The following NRXN3 variants were observed in gnomAD, a reference collection of about 807,000 sequenced individuals.
NRXN3 encodes neurexin III.
Under a neutral mutation model 137.6 loss-of-function variants are expected in NRXN3, and 32 were observed. The ratio of observed to expected loss-of-function variants is 0.23; its 90% CI spans 0.18 to 0.31. The LOEUF is 0.31. NRXN3 is among the 10% of genes least tolerant of loss of function. The pLI is 1.00. For synonymous variants in NRXN3, 798 were observed against 784.5 expected (o/e 1.02, Z -0.29); for missense variants, 1,574 against 2,062.5 (o/e 0.76, Z 4.59).
intron 15 of NRXN3, among the ~76,000 whole-genome samples, chr14:79,204,112 C>T (rs2066453388): frequency 6.6e-6 from 1 of 152,010 alleles, no homozygotes; most frequent in Admixed American, 6.6e-5. Flanking sequence ...TACTCCCACT[C>T]ACAAGTAAGA....
At chr14:79,726,143 T>C (rs1307602491) in intron 19 of NRXN3, among the ~76,000 whole-genome samples, 2 of 152,192 alleles carry the variant, frequency 1.3e-5, no homozygotes, top group Admixed American at 6.5e-5. Flanking sequence ...GCTAATTTTT[T>C]TTGTTTCTGT....
chr14:79,420,721 A>G (rs1440216894), intron 15 of NRXN3, among the ~76,000 whole-genome samples: 2 of 152,230 alleles, frequency 1.3e-5, no homozygotes, highest in African/African-American at 4.8e-5. Context: ...GGTTTTCTCA[A>G]TGCAAAAGAA....
At chr14:78,267,708 C>T (rs1054940369) in intron 2 of NRXN3, among the ~76,000 whole-genome samples, 2 of 152,180 alleles carry the variant, frequency 1.3e-5, no homozygotes, top group Non-Finnish European at 2.9e-5. Flanking sequence ...TGCTGTCCAT[C>T]CTGTGGGGGC....
In NRXN3 at chr14:79,422,281, C is replaced by T. The variant is rs555019791; in HGVS notation, c.3263-44940C>T. Among the ~76,000 whole-genome samples the T allele has an allele frequency of 3.3e-5, 5 of 152,122 alleles. No homozygotes were observed. The East Asian group carries it at 9.7e-4, about 30-fold the overall frequency. On this transcript the variant is annotated intron_variant, in intron 15 of 20. Transcript: ENST00000335750. ...GTCTCACCATGTTGCCTAGGCTGGG[C>T]TTGAACTCCTGGGCTCAAGCATTCC...
At chr14:78,865,906 A>C (rs113670850) in intron 10 of NRXN3, among the ~76,000 whole-genome samples, 12 of 152,180 alleles carry the variant, frequency 7.9e-5, no homozygotes, top group Non-Finnish European at 1.8e-4. Flanking sequence ...GAGCCCCTGA[A>C]ATAGAACATT....
intron 15 of NRXN3, among the ~76,000 whole-genome samples, chr14:79,465,606 C>G (rs1016427629): frequency 2.6e-5 from 4 of 152,168 alleles, no homozygotes; most frequent in African/African-American, 9.6e-5. Context: ...TATTTCTCAA[C>G]AAGATGAATA....
intron 15 of NRXN3, among the ~76,000 whole-genome samples, chr14:79,451,287 T>C (rs2096168328): frequency 6.6e-6 from 1 of 152,198 alleles, no homozygotes; most frequent in Admixed American, 6.5e-5. Context: ...ACACGGGTTC[T>C]GGGTCTGTAG....
intron 4 of NRXN3, among the ~76,000 whole-genome samples, chr14:78,567,129 A>G (rs1393153341): frequency 6.6e-6 from 1 of 152,188 alleles, no homozygotes; most frequent in East Asian, 1.9e-4. Context: ...GGTGACCAAA[A>G]GAAGTTGGGT....
chr14:79,168,585 A>G (rs60972730), intron 15 of NRXN3, among the ~76,000 whole-genome samples: 6,764 of 151,896 alleles, frequency 0.045, 537 homozygotes, highest in African/African-American at 0.16. Context: ...TCTTGATAAT[A>G]TTCTCCCCCA....
chr14:78,984,652 G>A (rs920284063), intron 14 of NRXN3, among the ~76,000 whole-genome samples: 2 of 152,186 alleles, frequency 1.3e-5, no homozygotes, highest in African/African-American at 4.8e-5. Context: ...TGAACCACCT[G>A]GAGGGCTTGT....
At chr14:79,378,651 G>A (rs578168851) in intron 15 of NRXN3, among the ~76,000 whole-genome samples, 1 of 152,268 alleles carries the variant, frequency 6.6e-6, no homozygotes, top group Non-Finnish European at 1.5e-5. Flanking sequence ...GTGAAATTTA[G>A]CAAAGCAGAG....
intron 17 of NRXN3, among the ~76,000 whole-genome samples, chr14:79,681,195 A>C (rs188796229): frequency 8.5e-5 from 13 of 152,224 alleles, no homozygotes; most frequent in African/African-American, 3.1e-4. Flanking sequence ...CTTTTGCCAC[A>C]CAAACTCCTT....
At chr14:78,644,617 A>G (rs145551348) in intron 4 of NRXN3, among the ~76,000 whole-genome samples, 1 of 152,262 alleles carries the variant, frequency 6.6e-6, no homozygotes, top group African/African-American at 2.4e-5. Flanking sequence ...ATAGAAACCA[A>G]AGTTAGCTGA....
At chr14:78,281,684 C>G (rs930942400) in intron 3 of NRXN3, among the ~76,000 whole-genome samples, 3 of 152,280 alleles carry the variant, frequency 2.0e-5, no homozygotes, top group Middle Eastern at 3.4e-3. Flanking sequence ...CCCGGGAGCC[C>G]AGCTCTGACA....
intron 4 of NRXN3, among the ~76,000 whole-genome samples, chr14:78,479,313 T>C (rs942919868): frequency 1.3e-4 from 20 of 152,192 alleles, no homozygotes; most frequent in Non-Finnish European, 2.2e-4. Flanking sequence ...CTCTAACTGC[T>C]GATATAAACA....
chr14:78,928,190 T>A (rs77523495), intron 10 of NRXN3, among the ~76,000 whole-genome samples: 2,666 of 152,250 alleles, frequency 0.018, 32 homozygotes, highest in Middle Eastern at 0.031. Context: ...ATAAATGACA[T>A]GCTCCCAAAT....
chr14:79,692,092 C>A, intron 17 of NRXN3, 81 bp from the exon 18 acceptor site: 1 of 1,109,628 alleles, frequency 9.0e-7, no homozygotes, highest in Non-Finnish European at 1.3e-6. Context: ...CTTCATAAAA[C>A]AAACCAAAAA....
chr14:78,252,186 G>A (rs2068741631), intron 2 of NRXN3, among the ~76,000 whole-genome samples: 1 of 150,274 alleles, frequency 6.7e-6, no homozygotes, highest in Admixed American at 6.6e-5. Context: ...CCTGGAACTG[G>A]TACCAGTAGC....
At chr14:79,762,160 A>G (rs1254565257) in intron 19 of NRXN3, among the ~76,000 whole-genome samples, 1 of 151,632 alleles carries the variant, frequency 6.6e-6, no homozygotes, top group Non-Finnish European at 1.5e-5. Context: ...ACCATACTCC[A>G]GAGGAATCAG....
Sources: gnomAD v4.1 joint callset for allele counts (sites outside exome capture counted in the v4.1 genomes callset) on GRCh38, gnomAD v4.1.1 for gene constraint, MANE v1.5 for transcripts, NCBI Gene and HGNC (gene_info 2026-07-23, HGNC 2026-07-21) for gene names.